Variants in PEPD observed in about 807,000 individuals in gnomAD.
PEPD encodes the protein xaa-Pro dipeptidase.
Under a neutral mutation model 60.7 loss-of-function variants are expected in PEPD, and 53 were observed. The observed-to-expected ratio is 0.87, with a 90% CI of 0.70 to 1.10. PEPD has a LOEUF of 1.10. Ranked by LOEUF, PEPD falls within the 50% of genes least tolerant of loss-of-function variation. PEPD has a pLI of 0.00. For missense variants in PEPD, 711 were observed against 711.9 expected, an observed-to-expected ratio of 1.00 and a Z score of 0.01; for synonymous variants, 267 against 284.1, an observed-to-expected ratio of 0.94 and a Z score of 0.60.
At chr19:33,477,711 T>C (rs993460976) in intron 7 of PEPD, among the ~76,000 whole-genome samples, 2 of 152,230 alleles carry the variant, frequency 1.3e-5, no homozygotes, top group Non-Finnish European at 2.9e-5. Context: ...TTTCTGGCAA[T>C]GGGATTATGT....
intron 12 of PEPD, among the ~76,000 whole-genome samples, chr19:33,398,458 A>G (rs989606038): frequency 1.3e-5 from 2 of 152,204 alleles, no homozygotes; most frequent in South Asian, 4.1e-4. Flanking sequence ...CCAGCCCTGT[A>G]CGTGAAGGGT....
At chr19:33,406,681 G>A (rs1968632532) in intron 11 of PEPD, among the ~76,000 whole-genome samples, 1 of 152,202 alleles carries the variant, frequency 6.6e-6, no homozygotes. Flanking sequence ...TGTCACCCAT[G>A]GGGTCCGCAG....
chr19:33,393,264 G>C (rs1337653033), intron 12 of PEPD, among the ~76,000 whole-genome samples: 1 of 147,286 alleles, frequency 6.8e-6, no homozygotes, highest in Non-Finnish European at 1.5e-5. Context: ...GCGTGGGGGA[G>C]GGCCCGGGGT....
intron 7 of PEPD, among the ~76,000 whole-genome samples, chr19:33,473,645 G>C (rs534792212): frequency 6.6e-6 from 1 of 152,206 alleles, no homozygotes; most frequent in Non-Finnish European, 1.5e-5. Flanking sequence ...TGAGCTATCA[G>C]GTGGTATGAA....
In PEPD at chr19:33,387,874, G is replaced by A; in HGVS notation, c.1344+16C>T. 6.5e-7 allele frequency: 1 copy of A among 1,547,866 alleles called. No individual in the cohort carries two copies. The highest frequency in any genetic ancestry group is 8.7e-7 in the Non-Finnish European group (1 of 1,144,232). On this transcript the variant is annotated intron_variant, in intron 14 of 14. Coordinates refer to ENST00000244137, the MANE Select transcript of PEPD (RefSeq NM_000285.4). Reference sequence around the variant, plus strand: ...CAGATGTTCTGGGAGCAAGAATGGGGCCCGTGGGCACTCACCCCGCCAAAA... The same window carrying A: ...CAGATGTTCTGGGAGCAAGAATGGGACCCGTGGGCACTCACCCCGCCAAAA...
At chr19:33,520,059 C>T (rs544070619) in intron 1 of PEPD, among the ~76,000 whole-genome samples, 5 of 146,804 alleles carry the variant, frequency 3.4e-5, no homozygotes, top group East Asian at 2.0e-4. Flanking sequence ...AGCAAAACTA[C>T]GTCTCAAAAA....
chr19:33,516,179 C>T (rs1362481817), intron 1 of PEPD, among the ~76,000 whole-genome samples: 3 of 152,078 alleles, frequency 2.0e-5, no homozygotes, highest in South Asian at 4.1e-4. Flanking sequence ...CTTTGATTTC[C>T]CATGGCATAA....
rs530091554 is a variant in PEPD at position 33,429,595 on chromosome 19, C to T, written c.672-15952G>A. ...TGTTATTTAAAAGAAAGTCATCAGACTATAAAGATAGAAAAAACATGCTGA... is the reference window on the plus strand; with the variant it reads ...TGTTATTTAAAAGAAAGTCATCAGATTATAAAGATAGAAAAAACATGCTGA... On this transcript the variant is annotated intron_variant, in intron 9 of 14. Coordinates refer to ENST00000244137, the MANE Select transcript of PEPD (RefSeq NM_000285.4). Among the ~76,000 whole-genome samples the T allele has an allele frequency of 3.4e-3, 519 of 152,148 alleles. 1 individual carries two copies. Among genetic ancestry groups the T allele is most frequent in the Non-Finnish European group, 5.2e-3 (351 of 68,012 alleles).
At chr19:33,406,627 C>T (rs558877076) in intron 11 of PEPD, among the ~76,000 whole-genome samples, 3 of 152,132 alleles carry the variant, frequency 2.0e-5, no homozygotes, top group Non-Finnish European at 4.4e-5. Context: ...CTCACCAAAG[C>T]ATTGGGCCCC....
At chr19:33,403,404 T>A (rs1600087090) in intron 11 of PEPD, among the ~76,000 whole-genome samples, 1 of 152,262 alleles carries the variant, frequency 6.6e-6, no homozygotes, top group East Asian at 1.9e-4. Flanking sequence ...GGGCTTCCCA[T>A]GGGGTCCATC....
At chr19:33,472,441 T>C (rs1309356541) in intron 7 of PEPD, among the ~76,000 whole-genome samples, 3 of 152,152 alleles carry the variant, frequency 2.0e-5, no homozygotes, top group Admixed American at 1.3e-4. Context: ...ATGGCCACGC[T>C]GTGGGCATCA....
intron 7 of PEPD, among the ~76,000 whole-genome samples, chr19:33,469,449 C>T (rs113057294): frequency 6.6e-6 from 1 of 152,188 alleles, no homozygotes; most frequent in Non-Finnish European, 1.5e-5. Flanking sequence ...TTCTGCCCCC[C>T]ACGGGAGCCG....
intron 9 of PEPD, among the ~76,000 whole-genome samples, chr19:33,432,843 G>A (rs901007913): frequency 7.2e-5 from 11 of 152,318 alleles, no homozygotes; most frequent in South Asian, 2.1e-4. Context: ...TGGCGCTTCC[G>A]GGCTCCCAGT....
At chr19:33,481,912 T>G (rs972250868) in intron 6 of PEPD, among the ~76,000 whole-genome samples, 1 of 151,862 alleles carries the variant, frequency 6.6e-6, no homozygotes, top group Non-Finnish European at 1.5e-5. Context: ...TCCCAGCTAC[T>G]TAGGAGGCTG....
chr19:33,447,027 G>A (rs923051701), intron 9 of PEPD, among the ~76,000 whole-genome samples: 2 of 152,332 alleles, frequency 1.3e-5, no homozygotes, highest in African/African-American at 2.4e-5. Context: ...AATGAACTGC[G>A]GTCACCTTGG....
At chr19:33,388,462 A>C in intron 13 of PEPD, 1 of 397,964 alleles carries the variant, frequency 2.5e-6, no homozygotes, top group Non-Finnish European at 4.8e-6. Context: ...CTGAAGCCAA[A>C]AAAGCTCTTA....
chr19:33,466,459 A>G (rs1481124673), intron 7 of PEPD, among the ~76,000 whole-genome samples: 1 of 152,236 alleles, frequency 6.6e-6, no homozygotes, highest in African/African-American at 2.4e-5. Context: ...TATTCTGGCA[A>G]ATGTTTTAAA....
intron 4 of PEPD, among the ~76,000 whole-genome samples, chr19:33,495,275 A>G (rs1185687185): frequency 6.6e-6 from 1 of 151,352 alleles, no homozygotes; most frequent in Non-Finnish European, 1.5e-5. Context: ...TTGGAAGCTG[A>G]GGCAGGTGGA....
At chr19:33,406,651 C>G (rs1568454980) in intron 11 of PEPD, among the ~76,000 whole-genome samples, 1 of 152,152 alleles carries the variant, frequency 6.6e-6, no homozygotes, top group Non-Finnish European at 1.5e-5. Context: ...TGGAGTGGGG[C>G]AAGGGGGTCC....
Sources: allele counts gnomAD v4.1 joint callset (sites outside exome capture counted in the v4.1 genomes callset), GRCh38; gene constraint gnomAD v4.1.1; transcripts MANE v1.5; gene names NCBI Gene and HGNC (gene_info 2026-07-23, HGNC 2026-07-21).